The following CDH12 variants were observed in gnomAD, a reference collection of about 807,000 sequenced individuals.
CDH12 encodes cadherin-12.
A neutral mutation model predicts 74.1 loss-of-function variants in CDH12; 41 were observed. That is an observed-to-expected ratio of 0.55 (90% CI 0.43 to 0.72). The LOEUF is 0.72. Among genes scored for constraint, CDH12 ranks in the 30% least tolerant of loss-of-function variants. CDH12 has a pLI of 0.00. For missense variants in CDH12, 945 were observed against 977.2 expected (o/e 0.97, Z 0.44); for synonymous variants, 399 against 355.0 (o/e 1.12, Z -1.39).
chr5:22,676,756 A>C (rs1206763793), intron 1 of CDH12, among the ~76,000 whole-genome samples: 1 of 152,204 alleles, frequency 6.6e-6, no homozygotes, highest in Admixed American at 6.5e-5. Flanking sequence ...AGTGCATATT[A>C]TGTTTTATAT....
intron 3 of CDH12, among the ~76,000 whole-genome samples, chr5:22,296,565 G>A (rs1561291807): frequency 6.6e-6 from 1 of 152,092 alleles, no homozygotes; most frequent in Non-Finnish European, 1.5e-5. Flanking sequence ...AGATCTAAAT[G>A]TAAAAGTCAG....
At chr5:22,847,223 A>G (rs750057558) in intron 1 of CDH12, among the ~76,000 whole-genome samples, 26 of 152,198 alleles carry the variant, frequency 1.7e-4, no homozygotes, top group Non-Finnish European at 2.9e-4. Flanking sequence ...TACCTAAGTA[A>G]ACATATAACT....
intron 4 of CDH12, among the ~76,000 whole-genome samples, chr5:22,082,712 C>G (rs79053037): frequency 6.6e-6 from 1 of 152,148 alleles, no homozygotes; most frequent in Admixed American, 6.6e-5. Context: ...CAGTTTGCAT[C>G]AGGAAACAAC....
At chr5:22,481,392 T>G (rs1216038377) in intron 2 of CDH12, among the ~76,000 whole-genome samples, 1 of 152,230 alleles carries the variant, frequency 6.6e-6, no homozygotes, top group Non-Finnish European at 1.5e-5. Flanking sequence ...AAGAAATATC[T>G]GTACCTTCAT....
intron 5 of CDH12, among the ~76,000 whole-genome samples, chr5:22,071,294 C>T (rs371486047): frequency 6.6e-5 from 10 of 152,032 alleles, no homozygotes; most frequent in Non-Finnish European, 7.4e-5. Flanking sequence ...AGAATATCAA[C>T]AGGGCATTCC....
At chr5:22,110,036 G>T (rs948196841) in intron 4 of CDH12, among the ~76,000 whole-genome samples, 1 of 152,146 alleles carries the variant, frequency 6.6e-6, no homozygotes, top group Non-Finnish European at 1.5e-5. Context: ...GGACTGGGAA[G>T]ATAAAGTTTA....
chr5:22,154,544 TATGTGTACAC>T (rs1177781283), intron 4 of CDH12, among the ~76,000 whole-genome samples: 1 of 147,682 alleles, frequency 6.8e-6, no homozygotes, highest in East Asian at 2.0e-4. Context: ...TATATATGTA[TATGTGTACAC>T]ATATATATAC....
chr5:22,277,181 A>G (rs2150404080), intron 3 of CDH12, among the ~76,000 whole-genome samples: 1 of 152,268 alleles, frequency 6.6e-6, no homozygotes, highest in South Asian at 2.1e-4. Context: ...CTTCCCAACC[A>G]CAGCCATCAC....
intron 1 of CDH12, among the ~76,000 whole-genome samples, chr5:22,625,219 T>C (rs995460653): frequency 1.3e-5 from 2 of 151,820 alleles, no homozygotes; most frequent in Non-Finnish European, 2.9e-5. Flanking sequence ...AAATGATGAG[T>C]TTATGCAGGA....
chr5:22,266,509 A>AAATTC (rs1210962326), intron 3 of CDH12, among the ~76,000 whole-genome samples: 4 of 152,176 alleles, frequency 2.6e-5, no homozygotes, highest in Non-Finnish European at 5.9e-5. Flanking sequence ...CTATATGATT[A>AAATTC]AATTCACTTT....
chr5:21,918,079 T>C (rs1463417132), intron 6 of CDH12, among the ~76,000 whole-genome samples: 3 of 152,202 alleles, frequency 2.0e-5, no homozygotes. Flanking sequence ...TACATTTTTC[T>C]ATATAGTATG....
intron 1 of CDH12, among the ~76,000 whole-genome samples, chr5:22,719,086 G>T (rs918495612): frequency 6.6e-6 from 1 of 152,180 alleles, no homozygotes; most frequent in African/African-American, 2.4e-5. Context: ...GGTAGAAGTG[G>T]TCCTGGAGAC....
chr5:22,107,866 C>T (rs1292288108), intron 4 of CDH12, among the ~76,000 whole-genome samples: 1 of 152,002 alleles, frequency 6.6e-6, no homozygotes, highest in Non-Finnish European at 1.5e-5. Context: ...CTGTGCATCA[C>T]TAAAGCAGCA....
At chr5:22,558,299 G>T (rs755779044) in intron 1 of CDH12, among the ~76,000 whole-genome samples, 6 of 152,004 alleles carry the variant, frequency 3.9e-5, no homozygotes, top group Non-Finnish European at 8.8e-5. Context: ...GAACTGCCTC[G>T]ACTGTCTCAC....
At chr5:22,685,382 C>A (rs1741720601) in intron 1 of CDH12, among the ~76,000 whole-genome samples, 1 of 152,072 alleles carries the variant, frequency 6.6e-6, no homozygotes, top group Admixed American at 6.5e-5. Flanking sequence ...GGACTACAGG[C>A]ATATGCCACC....
At chr5:22,529,173 A>G (rs199992619) in intron 1 of CDH12, among the ~76,000 whole-genome samples, 1,719 of 79,046 alleles carry the variant, frequency 0.022, 38 homozygotes, top group East Asian at 0.068. Context: ...GTGTATATAT[A>G]TATATATATA....
At position 22,372,702 on chromosome 5, in the gene CDH12, T is replaced by C. The variant is rs186944717; in HGVS notation, c.-333+32555A>G. Reference sequence around the variant, plus strand: ...CAGACACAGAGAAACTGTAAGCCCGTAGCTGCCTTCCCACACTTCTCCCAC... The same window carrying C: ...CAGACACAGAGAAACTGTAAGCCCGCAGCTGCCTTCCCACACTTCTCCCAC... On this transcript the variant is annotated intron_variant, in intron 3 of 14. Coordinates refer to ENST00000382254, the MANE Select transcript of CDH12 (RefSeq NM_004061.5). Among the ~76,000 whole-genome samples the C allele has an allele frequency of 1.4e-3, 207 of 152,196 alleles. 1 individual carries two copies. Among genetic ancestry groups the C allele is most frequent in the African/African-American group, 4.6e-3 (191 of 41,534 alleles).
chr5:22,345,883 C>T lies in CDH12; in HGVS notation c.-333+59374G>A, dbSNP rs766861512. On this transcript the variant is annotated intron_variant, in intron 3 of 14. Transcript: ENST00000382254. ...CTTTGAGAGGCTGAGGCAGGCGGAT[C>T]GCCTGAGGTCAGGAGTTCGAGACCA... Among the ~76,000 whole-genome samples, 284 of 152,126 alleles carry T rather than the reference C, an allele frequency of 1.9e-3. 3 individuals carry two copies. The highest frequency in any genetic ancestry group is 1.8e-3 in the Non-Finnish European group (124 of 68,006).
intron 4 of CDH12, among the ~76,000 whole-genome samples, chr5:22,108,121 G>A (rs998138657): frequency 2.0e-5 from 3 of 152,112 alleles, no homozygotes; most frequent in Admixed American, 2.0e-4. Flanking sequence ...TCAAGAGCAG[G>A]GCCAGGAGGA....
Sources: gnomAD v4.1 joint callset for allele counts (sites outside exome capture counted in the v4.1 genomes callset) on GRCh38, gnomAD v4.1.1 for gene constraint, MANE v1.5 for transcripts, NCBI Gene and HGNC (gene_info 2026-07-23, HGNC 2026-07-21) for gene names.